PPIP5K1: variants seen among roughly 807,000 people sequenced by gnomAD.
PPIP5K1 encodes diphosphoinositol pentakisphosphate kinase 1.
A neutral mutation model predicts 27.7 loss-of-function variants in PPIP5K1; 6 were observed. The observed-to-expected ratio is 0.22, with a 90% CI of 0.12 to 0.43. The LOEUF (loss-of-function observed/expected upper bound fraction) is 0.43. Among genes scored for constraint, PPIP5K1 ranks in the 20% least tolerant of loss-of-function variants. PPIP5K1 has a pLI of 1.00. For missense variants in PPIP5K1, 394 were observed against 635.4 expected (o/e 0.62, Z 4.08); for synonymous variants, 145 against 242.6 (o/e 0.60, Z 3.74).
At chr15:43,580,584 A>T (rs1451252867) in intron 10 of PPIP5K1, among the ~76,000 whole-genome samples, 3 of 127,206 alleles carry the variant, frequency 2.4e-5, no homozygotes, top group African/African-American at 1.2e-4. Context: ...TTTTTAATTT[A>T]ATTAATTAAT....
At chr15:43,561,041 T>TCACTCAGGGTGTCAAA (rs761177637) in intron 28 of PPIP5K1, among the ~76,000 whole-genome samples, 1 of 121,990 alleles carries the variant, frequency 8.2e-6, no homozygotes, top group African/African-American at 3.0e-5. Flanking sequence ...AATGAAAAAG[T>TCACTCAGGGTGTCAAA]GATGGTATTG....
At position 43,534,758 on chromosome 15, in the gene PPIP5K1, G is replaced by T. The variant is rs1566990231; in HGVS notation, c.4389C>A (p.Gly1463=). ...ETSAINLLSQ[G]IPEIDKPSQE... Reference sequence around the variant, plus strand: ...GGGATGGTTTATCAATCTCAGGGATGCCCTGAGATAACAGATTGATCGCAG... The same window carrying T: ...GGGATGGTTTATCAATCTCAGGGATTCCCTGAGATAACAGATTGATCGCAG... The change falls in exon 32 of 32, where the codon GGC becomes GGA. Residue 1463 remains glycine, a synonymous_variant. Coordinates refer to ENST00000420765, the MANE Select transcript of PPIP5K1 (RefSeq NM_001394395.1). 6.4e-7 allele frequency: 1 copy of T among 1,562,166 alleles called. No individual in the cohort carries two copies. Among genetic ancestry groups the T allele is most frequent in the East Asian group, 2.2e-5 (1 of 44,564 alleles).
intron 30 of PPIP5K1, among the ~76,000 whole-genome samples, chr15:43,540,201 G>T (rs1218410020): frequency 1.3e-5 from 2 of 151,954 alleles, no homozygotes; most frequent in African/African-American, 4.8e-5. Context: ...GCAGTGAGCT[G>T]AGATCGCACC....
intron 31 of PPIP5K1, chr15:43,535,998 T>C: frequency 1.0e-6 from 1 of 970,836 alleles, no homozygotes; most frequent in African/African-American, 1.8e-5. Flanking sequence ...GTACACCTTC[T>C]GTTAAGAATC....
At chr15:43,557,587 TTTA>T in intron 30 of PPIP5K1, among the ~76,000 whole-genome samples, 1 of 152,240 alleles carries the variant, frequency 6.6e-6, no homozygotes, top group South Asian at 2.1e-4. Flanking sequence ...TATAGAATGA[TTTA>T]AAATGTGGTA....
At position 43,539,365 on chromosome 15, in the gene PPIP5K1, T is replaced by A; in HGVS notation, c.3670+105A>T. The stretch of plus-strand genomic sequence containing the variant: ...TGCTTCCCAGAATGGATATTCCTGG[T>A]CTTTCAAGCCCCACCTTCTTTGACC... On this transcript the variant is annotated intron_variant, in intron 31 of 31. Coordinates refer to ENST00000420765, the MANE Select transcript of PPIP5K1 (RefSeq NM_001394395.1). The A allele has an allele frequency of 7.3e-6, 6 of 818,830 alleles. No homozygotes were observed. The South Asian group carries it at 8.8e-5, about 12-fold the overall frequency. 50.7% of individuals were successfully genotyped at this position (818,830 alleles called of 1,614,324 possible).
At chr15:43,542,993 C>A (rs1280578585) in intron 30 of PPIP5K1, among the ~76,000 whole-genome samples, 1 of 151,852 alleles carries the variant, frequency 6.6e-6, no homozygotes, top group East Asian at 1.9e-4. Context: ...CTTTTTAATG[C>A]CCAAATTGTC....
intron 30 of PPIP5K1, among the ~76,000 whole-genome samples, chr15:43,557,401 T>A (rs2083120344): frequency 6.6e-6 from 1 of 152,092 alleles, no homozygotes; most frequent in Admixed American, 6.5e-5. Context: ...TCAGCTGAGA[T>A]CCTGCCACTG....
chr15:43,553,549 C>A (rs1182733745), intron 30 of PPIP5K1, among the ~76,000 whole-genome samples: 2 of 151,878 alleles, frequency 1.3e-5, no homozygotes, highest in East Asian at 3.9e-4. Context: ...CACTATGTTA[C>A]CCAGACTGGT....
In PPIP5K1 at chr15:43,534,755, G is replaced by C. The variant is rs763152843; in HGVS notation, c.4392C>G (p.Ile1464Met). The change falls in exon 32 of 32, where the codon ATC becomes ATG. Residue 1464 changes from isoleucine to methionine, a missense_variant. This residue lies in a region of PPIP5K1 where 379 missense variants were observed against 423.9 expected (regional missense o/e 0.89). Transcript: ENST00000420765. Reference sequence around the variant, plus strand: ...CTTGGGATGGTTTATCAATCTCAGGGATGCCCTGAGATAACAGATTGATCG... The same window carrying C: ...CTTGGGATGGTTTATCAATCTCAGGCATGCCCTGAGATAACAGATTGATCG... The part of the protein sequence containing the change: ...TSAINLLSQG[I>M]PEIDKPSQEF... The C allele has an allele frequency of 1.9e-6, 3 of 1,559,842 alleles. No individual in the cohort carries two copies. Among genetic ancestry groups the C allele is most frequent in the Non-Finnish European group, 2.6e-6 (3 of 1,155,166 alleles).
In PPIP5K1 at chr15:43,575,553, AAAGTT is replaced by A. The variant is rs1035038008; in HGVS notation, c.1956+813_1956+817del. 9.4e-4 allele frequency among the ~76,000 whole-genome samples: 91 copies of A among 96,602 alleles called. 14 individuals are homozygous for A. In the South Asian group the frequency reaches 0.031, roughly 33 times the overall value. 63.4% of individuals were successfully genotyped at this position (96,602 alleles called of 152,430 possible). On this transcript the variant is annotated intron_variant, in intron 18 of 31. Coordinates refer to ENST00000420765, the MANE Select transcript of PPIP5K1 (RefSeq NM_001394395.1). ...AACTGTTTAACCAATAAAAAATAAC[AAAGTT>A]ATGTTGTGCTATTTCTGGGCCTACA...
At chr15:43,542,460 T>C (rs1401243536) in intron 30 of PPIP5K1, among the ~76,000 whole-genome samples, 1 of 151,728 alleles carries the variant, frequency 6.6e-6, no homozygotes, top group African/African-American at 2.4e-5. Context: ...CCTAGCTCAT[T>C]TCTGTATTTT....
chr15:43,555,682 C>T (rs1011710894), intron 30 of PPIP5K1, among the ~76,000 whole-genome samples: 28 of 151,798 alleles, frequency 1.8e-4, no homozygotes, highest in African/African-American at 6.8e-4. Flanking sequence ...TCTCAGCTCA[C>T]GCAACTTCTG....
chr15:43,533,705 T>C lies in PPIP5K1; in HGVS notation c.*969A>G, dbSNP rs770183209. 48 of 151,794 alleles carry C rather than the reference T, an allele frequency of 3.2e-4. No individual in the cohort carries two copies. Among genetic ancestry groups the C allele is most frequent in the Non-Finnish European group, 5.6e-4 (38 of 67,968 alleles). The allele number at this position is 151,794 out of a possible 1,614,324, so 9.4% of individuals were successfully genotyped here. ...GCACAACTACAGAAATAAATATATA[T>C]ATATATATTTATTAAACCTTTGCTT... is the stretch of plus-strand genomic sequence containing the variant. On this transcript the variant is annotated 3_prime_UTR_variant, in exon 32 of 32. Coordinates refer to ENST00000420765, the MANE Select transcript of PPIP5K1 (RefSeq NM_001394395.1).
chr15:43,548,984 C>A (rs540649560), intron 30 of PPIP5K1, among the ~76,000 whole-genome samples: 1 of 132,100 alleles, frequency 7.6e-6, no homozygotes, highest in African/African-American at 2.9e-5. Context: ...GTGGACATTG[C>A]GCCACTGCAC....
chr15:43,554,190 A>C (rs560302595), intron 30 of PPIP5K1, among the ~76,000 whole-genome samples: 1 of 152,292 alleles, frequency 6.6e-6, no homozygotes, highest in South Asian at 2.1e-4. Flanking sequence ...ACTATTGTAG[A>C]ATTCTTCCTT....
At chr15:43,560,210 G>C (rs1163438963) in intron 29 of PPIP5K1, among the ~76,000 whole-genome samples, 1 of 151,846 alleles carries the variant, frequency 6.6e-6, no homozygotes, top group African/African-American at 2.4e-5. Flanking sequence ...TGAGAAAGGA[G>C]AATAGGAAGG....
At chr15:43,539,654 GT>G in intron 30 of PPIP5K1, 71 bp from the exon 31 acceptor site, 5 of 972,034 alleles carry the variant, frequency 5.1e-6, no homozygotes, top group Non-Finnish European at 7.9e-6. Flanking sequence ...GGAGCCACAC[GT>G]TCTCAACATA....
At position 43,534,655 on chromosome 15, in the gene PPIP5K1, C is replaced by G; in HGVS notation, c.*19G>C. ...TCTCCAGGCAGCTGATCAATCACTT[C>G]AGGGACCACCCAGGACTTCTAATTT... is the stretch of plus-strand genomic sequence containing the variant. On this transcript the variant is annotated 3_prime_UTR_variant, in exon 32 of 32. Transcript: ENST00000420765. 6.6e-7 allele frequency: 1 copy of G among 1,516,648 alleles called. No individual in the cohort carries two copies. Among genetic ancestry groups the G allele is most frequent in the Non-Finnish European group, 8.8e-7 (1 of 1,135,796 alleles). 93.9% of individuals were successfully genotyped at this position (1,516,648 alleles called of 1,614,324 possible). A position where few individuals can be genotyped will look rare whatever the true frequency, so the allele number is the denominator to read the frequency against.
Sources: gnomAD v4.1 joint callset for allele counts (sites outside exome capture counted in the v4.1 genomes callset) on GRCh38, gnomAD v4.1.1 for gene constraint, gnomAD v4.1.1 regional missense constraint, MANE v1.5 for transcripts, NCBI Gene and HGNC (gene_info 2026-07-23, HGNC 2026-07-21) for gene names.